Variants in LSM14A observed in about 807,000 individuals in gnomAD.
The protein encoded by LSM14A is protein LSM14 homolog A.
In LSM14A, 14 loss-of-function variants were observed where a neutral mutation model predicts 52.4. The ratio of observed to expected loss-of-function variants is 0.27; its 90% CI spans 0.18 to 0.42. The LOEUF is 0.42. Among genes scored for constraint, LSM14A ranks in the 10% least tolerant of loss-of-function variants. The pLI is 1.00. For missense variants in LSM14A, 417 were observed against 581.8 expected (o/e 0.72, Z 2.91); for synonymous variants, 185 against 200.3 (o/e 0.92, Z 0.64).
In LSM14A at chr19:34,215,615, A is replaced by G; in HGVS notation, c.735A>G (p.Ser245=). ...CTGTAGCTGAAGTACACAAAGTTTC[A>G]AGGCCAGAAAATGAGCAACTCAGAA... The part of the protein sequence containing the change: ...EHRRAEVHKV[S]RPENEQLRND... Residue 245 remains serine, a synonymous_variant, in exon 6 of 10, where the codon TCA becomes TCG. Coordinates refer to ENST00000544216, the MANE Select transcript of LSM14A (RefSeq NM_015578.4). 1 of 1,613,770 alleles carries G rather than the reference A, an allele frequency of 6.2e-7. No individual in the cohort carries two copies. The highest frequency in any genetic ancestry group is 1.3e-5 in the African/African-American group (1 of 75,034).
At chr19:34,210,935 A>G (rs1257802996) in intron 4 of LSM14A, among the ~76,000 whole-genome samples, 1 of 152,198 alleles carries the variant, frequency 6.6e-6, no homozygotes, top group Non-Finnish European at 1.5e-5. Flanking sequence ...TGAAATTAGC[A>G]TTATTCATGA....
chr19:34,187,965 T>C (rs1398897149), intron 1 of LSM14A, among the ~76,000 whole-genome samples: 1 of 152,148 alleles, frequency 6.6e-6, no homozygotes, highest in Non-Finnish European at 1.5e-5. Context: ...GCTAGAAATA[T>C]AAAATTGATT....
At chr19:34,224,287 C>T (rs921433057) in intron 9 of LSM14A, among the ~76,000 whole-genome samples, 11 of 152,094 alleles carry the variant, frequency 7.2e-5, no homozygotes, top group Non-Finnish European at 1.5e-4. Context: ...GCCGAGATCA[C>T]GCCACTGTAC....
rs369866476 is a variant in LSM14A, at chr19:34,204,703, G to C, written c.416-4226G>C. On this transcript the variant is annotated intron_variant, in intron 3 of 9. Coordinates refer to ENST00000544216, the MANE Select transcript of LSM14A (RefSeq NM_015578.4). ...GCTGCACTCCAGGAAAGGCGACAGA[G>C]CTAGACCTTTTCTCTAAAAAGAAAA... Among the ~76,000 whole-genome samples, 97 of 152,218 alleles carry C rather than the reference G, an allele frequency of 6.4e-4. 1 individual carries two copies. The highest frequency in any genetic ancestry group is 2.2e-3 in the African/African-American group (93 of 41,526).
chr19:34,219,208 T>TCAC (rs1303880651), intron 6 of LSM14A, among the ~76,000 whole-genome samples, 183 bp from the exon 7 acceptor site: 13 of 152,196 alleles, frequency 8.5e-5, no homozygotes, highest in African/African-American at 3.1e-4. Context: ...GTCTACATAT[T>TCAC]AAATATTAGT....
At chr19:34,205,775 A>G (rs1022454565) in intron 3 of LSM14A, among the ~76,000 whole-genome samples, 1 of 152,126 alleles carries the variant, frequency 6.6e-6, no homozygotes, top group African/African-American at 2.4e-5. Flanking sequence ...AAATAAAAAG[A>G]TAAGAGCAGA....
chr19:34,198,725 G>T (rs142773278), intron 3 of LSM14A, among the ~76,000 whole-genome samples: 1 of 152,040 alleles, frequency 6.6e-6, no homozygotes, highest in African/African-American at 2.4e-5. Context: ...GGTGGCTTAC[G>T]CCTGTAATCC....
At chr19:34,175,983 G>C (rs1407753663) in intron 1 of LSM14A, among the ~76,000 whole-genome samples, 1 of 152,074 alleles carries the variant, frequency 6.6e-6, no homozygotes, top group Non-Finnish European at 1.5e-5. Flanking sequence ...CTTCCGAGTA[G>C]CTGGGACTAC....
chr19:34,206,048 T>C (rs1376212848), intron 3 of LSM14A, among the ~76,000 whole-genome samples: 1 of 152,068 alleles, frequency 6.6e-6, no homozygotes, highest in Non-Finnish European at 1.5e-5. Context: ...TCTTGAAAAA[T>C]AGCAAACCAA....
intron 4 of LSM14A, among the ~76,000 whole-genome samples, chr19:34,210,728 C>T (rs1025784148): frequency 1.3e-5 from 2 of 151,810 alleles, no homozygotes; most frequent in African/African-American, 4.8e-5. Context: ...GCTGAGATCA[C>T]AAGCAAGCAC....
At chr19:34,202,019 A>T (rs1248070050) in intron 3 of LSM14A, among the ~76,000 whole-genome samples, 1 of 151,078 alleles carries the variant, frequency 6.6e-6, no homozygotes, top group Non-Finnish European at 1.5e-5. Context: ...ACAGCATCTC[A>T]GCATGTTATC....
chr19:34,199,323 G>T (rs1036064309), intron 3 of LSM14A, among the ~76,000 whole-genome samples: 5 of 151,978 alleles, frequency 3.3e-5, no homozygotes, highest in Non-Finnish European at 5.9e-5. Context: ...TGGAGACAGG[G>T]TTTCCCCATA....
chr19:34,182,550 ACT>A (rs1163116806), intron 1 of LSM14A, among the ~76,000 whole-genome samples: 1 of 148,958 alleles, frequency 6.7e-6, no homozygotes, highest in Non-Finnish European at 1.5e-5. Flanking sequence ...TGAAGAGTCA[ACT>A]CTCGGCCGGG....
In LSM14A at chr19:34,193,441, A is replaced by G. The variant is rs568494589; in HGVS notation, c.122-1037A>G. On this transcript the variant is annotated intron_variant, in intron 1 of 9. Transcript: ENST00000544216. ...CTCCCATAGTGCTGGGATTACAGGC[A>G]TGAGCCACTGTGCCTAGCCAGAAAT... Among the ~76,000 whole-genome samples, 229 of 152,328 alleles carry G rather than the reference A, an allele frequency of 1.5e-3. 1 individual carries two copies. Among genetic ancestry groups the G allele is most frequent in the Non-Finnish European group, 2.2e-3 (150 of 68,038 alleles).
At chr19:34,212,152 A>G (rs2072210473) in intron 4 of LSM14A, among the ~76,000 whole-genome samples, 1 of 152,128 alleles carries the variant, frequency 6.6e-6, no homozygotes, top group African/African-American at 2.4e-5. Flanking sequence ...CCTGGGCAAC[A>G]TACCAGGACC....
At chr19:34,223,662 C>G (rs140428581) in intron 9 of LSM14A, among the ~76,000 whole-genome samples, 2 of 152,212 alleles carry the variant, frequency 1.3e-5, no homozygotes, top group Non-Finnish European at 2.9e-5. Context: ...TTCAGACCTT[C>G]GTCTCTCTTT....
intron 9 of LSM14A, among the ~76,000 whole-genome samples, chr19:34,222,860 GC>G (rs1354267317): frequency 6.6e-6 from 1 of 152,128 alleles, no homozygotes; most frequent in East Asian, 1.9e-4. Context: ...CTCCAGAATA[GC>G]CCTCGCTTAT....
chr19:34,204,814 A>G (rs935327443), intron 3 of LSM14A, among the ~76,000 whole-genome samples: 2 of 152,216 alleles, frequency 1.3e-5, no homozygotes, highest in African/African-American at 4.8e-5. Flanking sequence ...AAATTTTCAT[A>G]GCTTTAAATA....
At chr19:34,219,899 TTTATC>T (rs780055506) in intron 8 of LSM14A, 22 bp downstream of exon 8, 2 of 1,549,416 alleles carry the variant, frequency 1.3e-6, no homozygotes, top group Non-Finnish European at 1.8e-6. Flanking sequence ...AAGCTGTTCT[TTTATC>T]TTATGATATT....
Sources: gnomAD v4.1 joint callset for allele counts (sites outside exome capture counted in the v4.1 genomes callset) on GRCh38, gnomAD v4.1.1 for gene constraint, MANE v1.5 for transcripts, NCBI Gene and HGNC (gene_info 2026-07-23, HGNC 2026-07-21) for gene names.